Variants in EXOC6B observed in about 807,000 individuals in gnomAD.
The protein encoded by EXOC6B is exocyst complex component 6B.
A neutral mutation model predicts 113.5 loss-of-function variants in EXOC6B; 54 were observed. That is an observed-to-expected ratio of 0.48 (90% CI 0.38 to 0.60). The LOEUF is 0.60. Among genes scored for constraint, EXOC6B ranks in the 20% least tolerant of loss-of-function variants. The pLI, the probability that EXOC6B is intolerant of heterozygous loss-of-function variation, is 0.00. For synonymous variants in EXOC6B, 357 were observed against 339.0 expected, an observed-to-expected ratio of 1.05 and a Z score of -0.58; for missense variants, 797 against 977.5, an observed-to-expected ratio of 0.82 and a Z score of 2.46.
intron 16 of EXOC6B, among the ~76,000 whole-genome samples, chr2:72,481,772 C>T (rs1345690934): frequency 6.6e-6 from 1 of 152,028 alleles, no homozygotes; most frequent in Non-Finnish European, 1.5e-5. Flanking sequence ...CTGTTGTCAA[C>T]ACTATTTCCC....
intron 6 of EXOC6B, among the ~76,000 whole-genome samples, chr2:72,631,833 C>T (rs146059231): frequency 1.5e-3 from 226 of 152,170 alleles, no homozygotes; most frequent in Non-Finnish European, 2.6e-3. Flanking sequence ...GCTTAGCTGA[C>T]ACCAAACCTG....
chr2:72,796,059 G>T (rs1169032028), intron 1 of EXOC6B, among the ~76,000 whole-genome samples: 1 of 151,642 alleles, frequency 6.6e-6, no homozygotes, highest in African/African-American at 2.4e-5. Flanking sequence ...CTGACATCAG[G>T]TGATCCGCCC....
chr2:72,641,608 G>A (rs1212336177), intron 6 of EXOC6B, among the ~76,000 whole-genome samples: 4 of 152,374 alleles, frequency 2.6e-5, no homozygotes, highest in Admixed American at 2.0e-4. Flanking sequence ...GGCTTGCTGT[G>A]TGTATAGACC....
chr2:72,483,215 T>C (rs1446871677), intron 16 of EXOC6B, among the ~76,000 whole-genome samples: 5 of 152,224 alleles, frequency 3.3e-5, no homozygotes, highest in Non-Finnish European at 7.3e-5. Context: ...GTTGTGTGAA[T>C]TAAATCATTC....
intron 20 of EXOC6B, among the ~76,000 whole-genome samples, chr2:72,318,008 C>T (rs1464885877): frequency 6.6e-6 from 1 of 152,082 alleles, no homozygotes; most frequent in Non-Finnish European, 1.5e-5. Flanking sequence ...TCTTTTTTAA[C>T]ACGGTCCAGA....
At chr2:72,295,086 C>G (rs1385887809) in intron 20 of EXOC6B, among the ~76,000 whole-genome samples, 1 of 151,848 alleles carries the variant, frequency 6.6e-6, no homozygotes, top group Admixed American at 6.6e-5. Context: ...TAAAAATTAG[C>G]CGGGCATAGT....
intron 1 of EXOC6B, among the ~76,000 whole-genome samples, chr2:72,785,414 C>T (rs1684314959): frequency 6.6e-6 from 1 of 152,268 alleles, no homozygotes; most frequent in Admixed American, 6.5e-5. Flanking sequence ...TTCCCTTCTG[C>T]ACTGCCCTAG....
chr2:72,418,736 T>C (rs995786520), intron 18 of EXOC6B, among the ~76,000 whole-genome samples: 3 of 152,154 alleles, frequency 2.0e-5, no homozygotes. Flanking sequence ...TAGCCCATAA[T>C]TGGACCATTT....
intron 8 of EXOC6B, among the ~76,000 whole-genome samples, chr2:72,552,058 T>C (rs1703266264): frequency 1.3e-5 from 2 of 152,356 alleles, no homozygotes; most frequent in Middle Eastern, 3.4e-3. Context: ...CTAGATTCTT[T>C]AGTTACCACT....
At chr2:72,620,468 TAAGAAATTTAAATAA>T (rs1193395534) in intron 6 of EXOC6B, among the ~76,000 whole-genome samples, 2 of 147,450 alleles carry the variant, frequency 1.4e-5, no homozygotes, top group African/African-American at 2.7e-5. Context: ...GAAATTTAAA[TAAGAAATTTAAATAA>T]AAGAAATTTA....
At chr2:72,378,611 C>A (rs1019441129) in intron 19 of EXOC6B, among the ~76,000 whole-genome samples, 1 of 152,144 alleles carries the variant, frequency 6.6e-6, no homozygotes, top group Admixed American at 6.5e-5. Flanking sequence ...AACTAGAAGT[C>A]CTATTAATGC....
At chr2:72,715,836 G>C (rs1397937700) in intron 6 of EXOC6B, among the ~76,000 whole-genome samples, 4 of 152,152 alleles carry the variant, frequency 2.6e-5, no homozygotes, top group African/African-American at 9.7e-5. Flanking sequence ...GAATCTTATG[G>C]AGAGGGTTGA....
At chr2:72,352,241 C>T (rs1011870883) in intron 19 of EXOC6B, among the ~76,000 whole-genome samples, 3 of 152,136 alleles carry the variant, frequency 2.0e-5, no homozygotes, top group Non-Finnish European at 2.9e-5. Flanking sequence ...CATTATCCCA[C>T]TAGTGACCCT....
Position 72,348,003 on chromosome 2 carries a change from G to T in EXOC6B, c.2123-12983C>A, listed in dbSNP as rs1689432489. ...TGGCTTCTTGTGTTAGTCTATTCAGGCTGTTATAGTAAAATACCATACATT... is the reference window on the plus strand; with the variant it reads ...TGGCTTCTTGTGTTAGTCTATTCAGTCTGTTATAGTAAAATACCATACATT... On this transcript the variant is annotated intron_variant, in intron 19 of 21. Coordinates refer to ENST00000272427, the MANE Select transcript of EXOC6B (RefSeq NM_015189.3). Among the ~76,000 whole-genome samples, 2 of 152,136 alleles carry T rather than the reference G, an allele frequency of 1.3e-5. 1 individual carries two copies. The highest frequency in any genetic ancestry group is 4.1e-4 in the South Asian group (2 of 4,832).
intron 20 of EXOC6B, among the ~76,000 whole-genome samples, chr2:72,228,170 T>C (rs1190032085): frequency 6.6e-6 from 1 of 152,170 alleles, no homozygotes; most frequent in Non-Finnish European, 1.5e-5. Flanking sequence ...TGATGAGGTA[T>C]GGTAGGACAT....
At chr2:72,751,244 C>T (rs576520446) in intron 1 of EXOC6B, among the ~76,000 whole-genome samples, 1 of 152,018 alleles carries the variant, frequency 6.6e-6, no homozygotes, top group Non-Finnish European at 1.5e-5. Flanking sequence ...AGACATAATA[C>T]ATCAATCAAT....
intron 8 of EXOC6B, among the ~76,000 whole-genome samples, chr2:72,555,245 A>T (rs1402891660): frequency 2.0e-5 from 3 of 152,186 alleles, no homozygotes; most frequent in South Asian, 2.1e-4. Context: ...TAGTAGCATG[A>T]TTTATAATCC....
At chr2:72,297,959 A>T (rs13412372) in intron 20 of EXOC6B, among the ~76,000 whole-genome samples, 2,765 of 152,294 alleles carry the variant, frequency 0.018, 96 homozygotes, top group African/African-American at 0.063. Context: ...AAGAATGTAT[A>T]TTCTGTTGAT....
At chr2:72,344,199 C>A (rs1689184678) in intron 19 of EXOC6B, among the ~76,000 whole-genome samples, 1 of 152,102 alleles carries the variant, frequency 6.6e-6, no homozygotes, top group African/African-American at 2.4e-5. Context: ...TATTTCTGCT[C>A]AAATCTGCCT....
Sources: gnomAD v4.1 joint callset for allele counts (sites outside exome capture counted in the v4.1 genomes callset) on GRCh38, gnomAD v4.1.1 for gene constraint, MANE v1.5 for transcripts, NCBI Gene and HGNC (gene_info 2026-07-23, HGNC 2026-07-21) for gene names.